Variants in SLC19A1 observed in about 807,000 individuals in gnomAD.
SLC19A1 encodes the protein solute carrier family 19 member 1.
Under a neutral mutation model 35.3 loss-of-function variants are expected in SLC19A1, and 37 were observed. The ratio of observed to expected loss-of-function variants is 1.05; its 90% CI spans 0.81 to 1.38. The LOEUF is 1.38. SLC19A1 is among the 40% of genes most tolerant of loss of function. SLC19A1 has a pLI of 0.00. For synonymous variants in SLC19A1, 460 were observed against 398.5 expected, an observed-to-expected ratio of 1.15 and a Z score of -1.84; for missense variants, 831 against 826.9, an observed-to-expected ratio of 1.00 and a Z score of -0.06.
intron 1 of SLC19A1, among the ~76,000 whole-genome samples, chr21:45,538,857 C>A (rs1312704080): frequency 6.6e-6 from 1 of 152,180 alleles, no homozygotes; most frequent in Admixed American, 6.5e-5. Flanking sequence ...CAACATGCAC[C>A]CAACCTTGGG....
At chr21:45,508,174 G>A (rs2037341294), downstream of SLC19A1, among the ~76,000 whole-genome samples, 1 of 151,506 alleles carries the variant, frequency 6.6e-6, no homozygotes, top group African/African-American at 2.4e-5. Flanking sequence ...TAGGTAGCTG[G>A]GGAGATGGAT....
At chr21:45,519,587 A>G (rs1429043421) in intron 5 of SLC19A1, among the ~76,000 whole-genome samples, 1 of 151,324 alleles carries the variant, frequency 6.6e-6, no homozygotes, top group Non-Finnish European at 1.5e-5. Flanking sequence ...AAAAAAAAAA[A>G]AAAAAAAGAC....
chr21:45,511,023 ACCCC>A (rs2037566791), downstream of SLC19A1: 5 of 242,428 alleles, frequency 2.1e-5, no homozygotes, highest in East Asian at 1.1e-4. Flanking sequence ...ACACATCCAC[ACCCC>A]ACATCCACAC....
chr21:45,508,299 GGTGGTTGCTGGACAGGTGGGTGA>G (rs1372655180), downstream of SLC19A1, among the ~76,000 whole-genome samples: 1 of 150,672 alleles, frequency 6.6e-6, no homozygotes, highest in African/African-American at 2.4e-5. Flanking sequence ...GAGGTGGATG[GGTGGTTGCTGGACAGGTGGGTGA>G]GTGGATAGAT....
At chr21:45,523,699 C>T (rs2077506952) in intron 5 of SLC19A1, among the ~76,000 whole-genome samples, 1 of 152,204 alleles carries the variant, frequency 6.6e-6, no homozygotes. Context: ...CAACGGTAGT[C>T]AGGGGCAGTC....
intron 5 of SLC19A1, among the ~76,000 whole-genome samples, chr21:45,520,083 T>C (rs1460955402): frequency 4.6e-5 from 7 of 152,056 alleles, no homozygotes; most frequent in Admixed American, 2.0e-4. Context: ...ACTTGGAAAT[T>C]AAACAACAAA....
At chr21:45,507,575 A>G (rs12483761), downstream of SLC19A1, 204,823 of 1,611,882 alleles carry the variant, frequency 0.13, 13,605 homozygotes, top group Admixed American at 0.18. Flanking sequence ...AGGCCCGGAC[A>G]CCACTCCCAC....
intron 5 of SLC19A1, among the ~76,000 whole-genome samples, chr21:45,520,533 A>G (rs1056344325): frequency 1.3e-5 from 2 of 152,350 alleles, no homozygotes; most frequent in Non-Finnish European, 2.9e-5. Flanking sequence ...TATCAACTAC[A>G]TTTCTATACA....
intron 1 of SLC19A1, among the ~76,000 whole-genome samples, chr21:45,558,288 C>T (rs1258878902): frequency 6.6e-6 from 1 of 152,208 alleles, no homozygotes; most frequent in African/African-American, 2.4e-5. Flanking sequence ...GCTGGCTGGA[C>T]CTCAGCTGGG....
At chr21:45,504,650 G>A in intron 3 of SLC19A1, 2 of 1,120,552 alleles carry the variant, frequency 1.8e-6, no homozygotes, top group African/African-American at 1.6e-5. Flanking sequence ...CACCCGCGAA[G>A]GCCGGAGCTG....
intron 3 of SLC19A1, chr21:45,504,495 G>A: frequency 6.6e-7 from 1 of 1,520,550 alleles, no homozygotes; most frequent in Non-Finnish European, 8.7e-7. Context: ...TTCGGCTCCA[G>A]CCTGCCCGGC....
At chr21:45,535,733 C>T (rs945281971) in intron 2 of SLC19A1, among the ~76,000 whole-genome samples, 7 of 152,240 alleles carry the variant, frequency 4.6e-5, no homozygotes, top group African/African-American at 9.6e-5. Flanking sequence ...TGGGAGAAGC[C>T]GGAATCCCCT....
rs374737597 is a variant in SLC19A1 at position 45,537,757 on chromosome 21, C to T, written c.189+14G>A. ...ACCCACAGGCGGCCGCCCGGCACCC[C>T]GGCACCCACATGCCTGCTCCCGCGT... On this transcript the variant is annotated intron_variant, in intron 2 of 5. Coordinates refer to ENST00000311124, the MANE Select transcript of SLC19A1 (RefSeq NM_194255.4). The T allele has an allele frequency of 1.4e-4, 203 of 1,403,516 alleles. No individual in the cohort carries two copies. The African/African-American group carries it at 2.1e-3, about 14-fold the overall frequency. The allele number at this position is 1,403,516 out of a possible 1,614,324, so 86.9% of individuals were successfully genotyped here.
In SLC19A1 at chr21:45,515,372, G is replaced by T; in HGVS notation, c.*286C>A. Reference sequence around the variant, plus strand: ...GGATTTGTCTCAAGCCCCCCAAGGGGCATGAGCCAGTGAGGCCTGGTGGAC... The same window carrying T: ...GGATTTGTCTCAAGCCCCCCAAGGGTCATGAGCCAGTGAGGCCTGGTGGAC... On this transcript the variant is annotated 3_prime_UTR_variant, in exon 6 of 6. Coordinates refer to ENST00000311124, the MANE Select transcript of SLC19A1 (RefSeq NM_194255.4). 7.0e-7 allele frequency: 1 copy of T among 1,437,580 alleles called. No homozygotes were observed. The highest frequency in any genetic ancestry group is 9.1e-7 in the Non-Finnish European group (1 of 1,104,720). 89.1% of individuals were successfully genotyped at this position (1,437,580 alleles called of 1,614,324 possible). A position where few individuals can be genotyped will look rare whatever the true frequency, so the allele number is the denominator to read the frequency against.
chr21:45,512,075 C>T (rs9653779), downstream of SLC19A1: 11,208 of 1,168,442 alleles, frequency 9.6e-3, 114 homozygotes, highest in African/African-American at 0.043. Context: ...CCTCTGCAGC[C>T]CCCTGGTAAC....
rs765719872 is a variant in SLC19A1 at position 45,534,079 on chromosome 21, C to T, written c.190-1931G>A. ...GGCACCCAAGGTCCCTCCGGCACTC[C>T]GTCCTGCTCAGGACATTCCGGGACA... On this transcript the variant is annotated intron_variant, in intron 2 of 5. Coordinates refer to ENST00000311124, the MANE Select transcript of SLC19A1 (RefSeq NM_194255.4). This position sits in a 1 kb window ranked among gnomAD's most constrained non-coding sequence, Gnocchi z 4.2. 5.9e-5 allele frequency among the ~76,000 whole-genome samples: 9 copies of T among 152,166 alleles called. No individual in the cohort carries two copies. The highest frequency in any genetic ancestry group is 4.1e-4 in the South Asian group (2 of 4,834).
intron 5 of SLC19A1, among the ~76,000 whole-genome samples, chr21:45,523,558 G>A (rs926026572): frequency 2.6e-5 from 4 of 152,174 alleles, no homozygotes; most frequent in Non-Finnish European, 5.9e-5. Context: ...AGCCCACCGT[G>A]AGGGGTCCCC....
chr21:45,556,960 C>CA (rs1569033554), intron 1 of SLC19A1, among the ~76,000 whole-genome samples: 1 of 152,038 alleles, frequency 6.6e-6, no homozygotes, highest in African/African-American at 2.4e-5. Context: ...GACGGCGACT[C>CA]AGATGCATGT....
At chr21:45,504,238 G>A (rs1006396835) in intron 3 of SLC19A1, 6 of 901,636 alleles carry the variant, frequency 6.7e-6, no homozygotes, top group African/African-American at 1.7e-5. Flanking sequence ...TCAGTTTTTG[G>A]GGGACTCGGC....
Sources: allele counts gnomAD v4.1 joint callset (sites outside exome capture counted in the v4.1 genomes callset), GRCh38; gene constraint gnomAD v4.1.1; non-coding constraint Gnocchi (gnomAD v3.1); transcripts MANE v1.5; gene names NCBI Gene and HGNC (gene_info 2026-07-23, HGNC 2026-07-21).